SKIC3: variants seen among roughly 807,000 people sequenced by gnomAD.
SKIC3 encodes the protein superkiller complex protein 3.
chr5:95,515,020 C>T, the SKIC3 span: 1 of 1,173,036 alleles, frequency 8.5e-7, no homozygotes, highest in South Asian at 1.3e-5. Flanking sequence ...AACCTCTCAT[C>T]ATAAATATGT....
the SKIC3 span, chr5:95,541,747 T>C: frequency 8.6e-7 from 1 of 1,165,870 alleles, no homozygotes; most frequent in South Asian, 1.3e-5. Flanking sequence ...TACTTCTACA[T>C]GATTTTTAAT....
At chr5:95,524,545 A>G in the SKIC3 span, 1 of 1,613,846 alleles carries the variant, frequency 6.2e-7, no homozygotes, top group South Asian at 1.1e-5. Flanking sequence ...CCAAGTTGGT[A>G]ATGATATTCT....
the SKIC3 span, among the ~76,000 whole-genome samples, chr5:95,554,074 A>C: frequency 6.6e-5 from 10 of 152,226 alleles, no homozygotes; most frequent in African/African-American, 2.4e-4. Context: ...ATATGGTGAA[A>C]GTGAGGATTA....
the SKIC3 span, among the ~76,000 whole-genome samples, chr5:95,464,924 C>CTTTTTT: frequency 7.9e-3 from 849 of 106,990 alleles, 29 homozygotes; most frequent in African/African-American, 0.025. Flanking sequence ...ATTCTGATTG[C>CTTTTTT]TTTTTTTTTT....
the SKIC3 span, chr5:95,520,624 T>C: frequency 1.1e-6 from 1 of 951,000 alleles, no homozygotes. Flanking sequence ...GAGCAATTGC[T>C]ATATCTAGCA....
chr5:95,520,855 T>C, the SKIC3 span: 3 of 1,434,810 alleles, frequency 2.1e-6, no homozygotes, highest in East Asian at 2.3e-5. Flanking sequence ...TATTAAAACA[T>C]ATAAAATAAA....
chr5:95,471,131 G>A, the SKIC3 span, among the ~76,000 whole-genome samples: 6 of 152,136 alleles, frequency 3.9e-5, no homozygotes, highest in African/African-American at 1.4e-4. Context: ...GACAATAGTG[G>A]TTATGATGCA....
the SKIC3 span, chr5:95,498,522 A>G: frequency 6.2e-7 from 1 of 1,614,112 alleles, no homozygotes; most frequent in Non-Finnish European, 8.5e-7. Context: ...ACAGTGTAGC[A>G]TCCTGCATTG....
chr5:95,516,056 T>C, the SKIC3 span, among the ~76,000 whole-genome samples: 3 of 152,180 alleles, frequency 2.0e-5, no homozygotes, highest in South Asian at 4.1e-4. Context: ...CTTACATGTG[T>C]ACAGATTTAA....
chr5:95,536,115 T>C, the SKIC3 span, among the ~76,000 whole-genome samples: 1 of 152,196 alleles, frequency 6.6e-6, no homozygotes, highest in Non-Finnish European at 1.5e-5. Context: ...CAGCTACAGG[T>C]TACCCAACTC....
chr5:95,490,421 A>G, the SKIC3 span, among the ~76,000 whole-genome samples: 1 of 146,536 alleles, frequency 6.8e-6, no homozygotes, highest in Non-Finnish European at 1.5e-5. Flanking sequence ...CATTATTTAA[A>G]TATATATATT....
the SKIC3 span, chr5:95,523,503 G>GA: frequency 6.0e-6 from 7 of 1,170,922 alleles, no homozygotes; most frequent in East Asian, 1.0e-4. Context: ...TCTGCCAATG[G>GA]AAAAAAACTT....
the SKIC3 span, among the ~76,000 whole-genome samples, chr5:95,553,527 AT>A: frequency 6.6e-6 from 1 of 151,804 alleles, no homozygotes; most frequent in South Asian, 2.1e-4. Flanking sequence ...ATCTAAACTC[AT>A]GTAAACTGAG....
At chr5:95,526,481 G>GT in the SKIC3 span, among the ~76,000 whole-genome samples, 4 of 145,982 alleles carry the variant, frequency 2.7e-5, no homozygotes, top group East Asian at 4.0e-4. Context: ...TTTTTTTTTT[G>GT]TTTTTTGGAG....
the SKIC3 span, among the ~76,000 whole-genome samples, chr5:95,501,449 T>C: frequency 6.6e-6 from 1 of 152,126 alleles, no homozygotes; most frequent in African/African-American, 2.4e-5. Flanking sequence ...GTTCACAACA[T>C]ATGAATGCCA....
chr5:95,509,783 C>A, the SKIC3 span: 1 of 797,164 alleles, frequency 1.3e-6, no homozygotes, highest in East Asian at 2.7e-5. Flanking sequence ...TATCAGATTA[C>A]CTCTTGAGAT....
chr5:95,542,571 C>G, the SKIC3 span, among the ~76,000 whole-genome samples: 1 of 152,278 alleles, frequency 6.6e-6, no homozygotes, highest in East Asian at 1.9e-4. Flanking sequence ...ACCACTCAGT[C>G]CATTATAAAA....
the SKIC3 span, among the ~76,000 whole-genome samples, chr5:95,476,793 AG>A: frequency 6.6e-6 from 1 of 152,156 alleles, no homozygotes; most frequent in East Asian, 1.9e-4. Context: ...TGGGGGATTC[AG>A]GGGGACAGGT....
the SKIC3 span, chr5:95,478,283 A>G: frequency 1.2e-6 from 2 of 1,613,672 alleles, no homozygotes; most frequent in Middle Eastern, 1.7e-4. Context: ...TTATAACATG[A>G]TCTTACCATA....
Sources: gnomAD v4.1 joint callset for allele counts (sites outside exome capture counted in the v4.1 genomes callset) on GRCh38, gnomAD v4.1.1 for gene constraint, MANE v1.5 for transcripts, NCBI Gene and HGNC (gene_info 2026-07-23, HGNC 2026-07-21) for gene names.